Variants in AGBL4 observed in about 807,000 individuals in gnomAD.
The protein encoded by AGBL4 is AGBL carboxypeptidase 4.
A neutral mutation model predicts 66.4 loss-of-function variants in AGBL4; 58 were observed. That is an observed-to-expected ratio of 0.87 (90% CI 0.71 to 1.09). The LOEUF (loss-of-function observed/expected upper bound fraction) is 1.09. Among genes scored for constraint, AGBL4 ranks in the 50% least tolerant of loss-of-function variants. The probability of loss-of-function intolerance (pLI) is 0.00; values close to 1 mark genes in which losing one functional copy is unlikely to be tolerated. For synonymous variants in AGBL4, 234 were observed against 222.9 expected (o/e 1.05, Z -0.44); for missense variants, 579 against 631.0 (o/e 0.92, Z 0.88).
At chr1:48,867,597 T>C (rs1467294128) in intron 5 of AGBL4, among the ~76,000 whole-genome samples, 1 of 152,164 alleles carries the variant, frequency 6.6e-6, no homozygotes, top group Non-Finnish European at 1.5e-5. Flanking sequence ...GCTTTAGATT[T>C]CCCTTTGCTT....
chr1:49,646,849 AG>A (rs996295998), intron 3 of AGBL4, among the ~76,000 whole-genome samples: 2 of 152,028 alleles, frequency 1.3e-5, no homozygotes, highest in Non-Finnish European at 2.9e-5. Context: ...GAAACAGAAT[AG>A]AAAATCCAGA....
chr1:49,296,329 T>C (rs942893467), intron 3 of AGBL4, among the ~76,000 whole-genome samples: 3 of 152,196 alleles, frequency 2.0e-5, no homozygotes, highest in Non-Finnish European at 4.4e-5. Flanking sequence ...TGAGTATGTC[T>C]GACTTGAAAG....
At position 49,157,873 on chromosome 1, in the gene AGBL4, A is replaced by T. The variant is rs183932508; in HGVS notation, c.377+87897T>A. Among the ~76,000 whole-genome samples the T allele has an allele frequency of 1.1e-3, 173 of 152,148 alleles. 2 individuals carry two copies. The South Asian group carries it at 0.016, about 14-fold the overall frequency. ...TCATATATTTCTTAGCTGCACGTAT[A>T]TGTTCTTTTGAGAAGTGTCTGTTCA... On this transcript the variant is annotated intron_variant, in intron 4 of 13. Transcript: ENST00000371839.
chr1:49,827,330 T>C (rs1434847702), intron 2 of AGBL4, among the ~76,000 whole-genome samples: 1 of 151,978 alleles, frequency 6.6e-6, no homozygotes, highest in Non-Finnish European at 1.5e-5. Context: ...AGAAATTAGA[T>C]GGGGTGACAA....
At chr1:48,634,389 T>G in intron 9 of AGBL4, 104 bp downstream of exon 9, 1 of 898,454 alleles carries the variant, frequency 1.1e-6, no homozygotes, top group Non-Finnish European at 1.7e-6. Context: ...GTTTTAGCTA[T>G]GTATTCCTAA....
chr1:49,721,245 A>T (rs10788916), intron 2 of AGBL4, among the ~76,000 whole-genome samples: 1 of 151,942 alleles, frequency 6.6e-6, no homozygotes, highest in Non-Finnish European at 1.5e-5. Context: ...AAGCTGGACA[A>T]CCCAGCCAAC....
chr1:49,603,680 T>C (rs115799576), intron 3 of AGBL4, among the ~76,000 whole-genome samples: 3,969 of 152,192 alleles, frequency 0.026, 69 homozygotes, highest in Non-Finnish European at 0.039. Context: ...GTGGTGTACA[T>C]TATACCCAAC....
At chr1:48,525,415 A>G in the AGBL4 span, among the ~76,000 whole-genome samples, 4 of 152,172 alleles carry the variant, frequency 2.6e-5, no homozygotes, top group Non-Finnish European at 5.9e-5. Context: ...ATGCTTCATT[A>G]TTTGTGTTGG....
chr1:49,152,803 T>G (rs1341390474), intron 4 of AGBL4, among the ~76,000 whole-genome samples: 2 of 152,192 alleles, frequency 1.3e-5, no homozygotes, highest in Non-Finnish European at 2.9e-5. Context: ...AACAAGTGTA[T>G]TAATAAAATT....
intron 1 of AGBL4, among the ~76,000 whole-genome samples, chr1:49,970,333 AT>A (rs2148360706): frequency 1.3e-5 from 2 of 152,348 alleles, no homozygotes; most frequent in East Asian, 3.9e-4. Flanking sequence ...ATAGGAAAAA[AT>A]ATTTGCAAAC....
chr1:49,307,319 G>GAAAACA (rs960350928), intron 3 of AGBL4, among the ~76,000 whole-genome samples: 6 of 151,990 alleles, frequency 3.9e-5, no homozygotes, highest in African/African-American at 1.4e-4. Context: ...CTCATGAGAT[G>GAAAACA]AAAACAAAAA....
At position 48,736,215 on chromosome 1, in the gene AGBL4, T is replaced by C. The variant is rs139843218; in HGVS notation, c.635-72974A>G. 1.1e-5 allele frequency: 17 copies of C among 1,595,754 alleles called. No homozygotes were observed. Among genetic ancestry groups the C allele is most frequent in the Middle Eastern group, 3.3e-4 (2 of 6,024 alleles). ...AGAGTAAAAGACAGAATCCCAGCCA[T>C]TGTGTTTCCACTCAGTGACCTACCT... is the stretch of plus-strand genomic sequence containing the variant. On this transcript the variant is annotated intron_variant, in intron 6 of 13. Coordinates refer to ENST00000371839, the MANE Select transcript of AGBL4 (RefSeq NM_032785.4). The surrounding 1 kb of genome is among the most constrained non-coding windows in gnomAD (Gnocchi z 4.0).
chr1:49,867,240 A>G (rs1646723885), intron 1 of AGBL4, among the ~76,000 whole-genome samples: 1 of 151,552 alleles, frequency 6.6e-6, no homozygotes, highest in Non-Finnish European at 1.5e-5. Flanking sequence ...TCTTTCCTTA[A>G]TTCCAGGAAA....
chr1:49,962,203 G>A (rs975123977), intron 1 of AGBL4, among the ~76,000 whole-genome samples: 1 of 152,244 alleles, frequency 6.6e-6, no homozygotes, highest in East Asian at 1.9e-4. Context: ...ATCATGCTGT[G>A]TAGTATAGAG....
At chr1:49,623,824 G>A (rs567777152) in intron 3 of AGBL4, among the ~76,000 whole-genome samples, 31 of 152,320 alleles carry the variant, frequency 2.0e-4, no homozygotes, top group Admixed American at 5.9e-4. Context: ...AGGGCCTAAA[G>A]TACAGCATAA....
At chr1:49,012,462 T>C (rs1003046228) in intron 5 of AGBL4, among the ~76,000 whole-genome samples, 1 of 152,180 alleles carries the variant, frequency 6.6e-6, no homozygotes, top group Non-Finnish European at 1.5e-5. Flanking sequence ...TGGTACATAC[T>C]TAACATAAGA....
chr1:49,204,520 T>C (rs1647977266), intron 4 of AGBL4, among the ~76,000 whole-genome samples: 2 of 152,098 alleles, frequency 1.3e-5, no homozygotes, highest in African/African-American at 4.8e-5. Context: ...CCTGAAGTGA[T>C]CCTCCCACTT....
chr1:49,677,471 C>A (rs1246443791), intron 3 of AGBL4, among the ~76,000 whole-genome samples: 2 of 151,996 alleles, frequency 1.3e-5, no homozygotes, highest in African/African-American at 4.8e-5. Flanking sequence ...GTATATAATT[C>A]TTTTTATATA....
chr1:49,605,477 T>C (rs1419459408), intron 3 of AGBL4, among the ~76,000 whole-genome samples: 1 of 152,058 alleles, frequency 6.6e-6, no homozygotes, highest in African/African-American at 2.4e-5. Flanking sequence ...AAGCACAACA[T>C]TTAATTAAGG....
Sources: allele counts gnomAD v4.1 joint callset (sites outside exome capture counted in the v4.1 genomes callset), GRCh38; gene constraint gnomAD v4.1.1; non-coding constraint Gnocchi (gnomAD v3.1); transcripts MANE v1.5; gene names NCBI Gene and HGNC (gene_info 2026-07-23, HGNC 2026-07-21).